PPWD1: variants seen among roughly 807,000 people sequenced by gnomAD.
The protein encoded by PPWD1 is peptidylprolyl isomerase domain and WD repeat-containing protein 1.
In PPWD1, 43 loss-of-function variants were observed where a neutral mutation model predicts 68.8. That is an observed-to-expected ratio of 0.62 (90% confidence interval 0.49 to 0.81). The LOEUF is 0.81. Among genes scored for constraint, PPWD1 ranks in the 30% least tolerant of loss-of-function variants. The probability of loss-of-function intolerance (pLI) is 0.00; values close to 1 mark genes in which losing one functional copy is unlikely to be tolerated. For synonymous variants in PPWD1, 232 were observed against 258.7 expected, an observed-to-expected ratio of 0.90 and a Z score of 0.99; for missense variants, 672 against 804.8, an observed-to-expected ratio of 0.83 and a Z score of 2.00.
chr5:65,585,108 A>T lies in PPWD1; in HGVS notation c.1614+13A>T. The T allele has an allele frequency of 6.3e-7, 1 of 1,590,276 alleles. No individual in the cohort carries two copies. Among genetic ancestry groups the T allele is most frequent in the Non-Finnish European group, 8.6e-7 (1 of 1,159,904 alleles). On this transcript the variant is annotated intron_variant, in intron 9 of 10. Transcript: ENST00000261308. ...CCGTATAATTAAGGTAAGTTACATA[A>T]ATTTCATGTCATATAAGAAATACTG...
chr5:65,571,824 T>A lies in PPWD1; in HGVS notation c.522-15T>A. ...CTGACCTTTTTTTTTCCCTCTCAAT[T>A]CTTTACGATTTTAGCTATTTTCCTG... On this transcript the variant is annotated splice_polypyrimidine_tract_variant and intron_variant, in intron 4 of 10. Transcript: ENST00000261308. 6.2e-7 allele frequency: 1 copy of A among 1,607,748 alleles called. No homozygotes were observed. Among genetic ancestry groups the A allele is most frequent in the Non-Finnish European group, 8.5e-7 (1 of 1,176,092 alleles).
chr5:65,582,421 C>G (rs184631155), intron 7 of PPWD1: 8 of 152,332 alleles, frequency 5.3e-5, no homozygotes, highest in Admixed American at 3.9e-4. Context: ...ATTTCAGATT[C>G]ATTTTTGTGA....
chr5:65,576,413 G>C (rs1294374755), intron 5 of PPWD1: 2 of 877,440 alleles, frequency 2.3e-6, no homozygotes, highest in Non-Finnish European at 2.7e-6. Context: ...GTCTCACTCT[G>C]TCCCCCAGGC....
At chr5:65,575,267 G>A (rs154949) in intron 5 of PPWD1, among the ~76,000 whole-genome samples, 94,338 of 151,998 alleles carry the variant, frequency 0.62, 29,543 homozygotes, top group South Asian at 0.65. Flanking sequence ...TCTTCTCTCC[G>A]GCAGAAATGA....
At position 65,585,109 on chromosome 5, in the gene PPWD1, AT is replaced by A; in HGVS notation, c.1614+17del. 6.3e-7 allele frequency: 1 copy of A among 1,585,618 alleles called. No individual in the cohort carries two copies. On this transcript the variant is annotated intron_variant, in intron 9 of 10. Coordinates refer to ENST00000261308, the MANE Select transcript of PPWD1 (RefSeq NM_015342.4). ...CGTATAATTAAGGTAAGTTACATAA[AT>A]TTCATGTCATATAAGAAATACTGTA...
At position 65,585,106 on chromosome 5, in the gene PPWD1, T is replaced by C. The variant is rs779007586; in HGVS notation, c.1614+11T>C. On this transcript the variant is annotated intron_variant, in intron 9 of 10. Coordinates refer to ENST00000261308, the MANE Select transcript of PPWD1 (RefSeq NM_015342.4). ...CACCGTATAATTAAGGTAAGTTACA[T>C]AAATTTCATGTCATATAAGAAATAC... 6.3e-7 allele frequency: 1 copy of C among 1,593,962 alleles called. No homozygotes were observed. The highest frequency in any genetic ancestry group is 8.6e-7 in the Non-Finnish European group (1 of 1,163,026).
chr5:65,577,007 T>G lies in PPWD1; in HGVS notation c.1098T>G (p.Thr366=). Residue 366 remains threonine (T), a synonymous_variant, in exon 6 of 11, where the codon ACT becomes ACG. Coordinates refer to ENST00000261308, the MANE Select transcript of PPWD1 (RefSeq NM_015342.4). ...VRLINIVFDE[T]GHFVLYGTML... ...TAATTAATATAGTTTTTGATGAAAC[T>G]GGACACTTCGTGCTGTATGGAACAA... 1.2e-6 allele frequency: 2 copies of G among 1,614,188 alleles called. No homozygotes were observed. Among genetic ancestry groups the G allele is most frequent in the African/African-American group, 2.7e-5 (2 of 75,068 alleles).
In PPWD1 at chr5:65,585,459, C is replaced by T. The variant is rs948433884; in HGVS notation, c.1614+364C>T. On this transcript the variant is annotated intron_variant, in intron 9 of 10. Coordinates refer to ENST00000261308, the MANE Select transcript of PPWD1 (RefSeq NM_015342.4). ...TTTCAATCATAGAGGAGCCACAGTGCCATCTGATCTGTGAGAACCTGTAAT... is the reference window on the plus strand; with the variant it reads ...TTTCAATCATAGAGGAGCCACAGTGTCATCTGATCTGTGAGAACCTGTAAT... Among the ~76,000 whole-genome samples the T allele has an allele frequency of 4.6e-5, 7 of 152,118 alleles. No homozygotes were observed. The South Asian group carries it at 8.3e-4, about 18-fold the overall frequency.
chr5:65,570,639 CTG>C (rs1263623141), intron 4 of PPWD1, among the ~76,000 whole-genome samples: 1 of 151,986 alleles, frequency 6.6e-6, no homozygotes, highest in East Asian at 1.9e-4. Flanking sequence ...TCTCACAGTT[CTG>C]GAGGCTGGAA....
chr5:65,581,343 T>G (rs1753586931), intron 7 of PPWD1, among the ~76,000 whole-genome samples: 1 of 152,158 alleles, frequency 6.6e-6, no homozygotes, highest in African/African-American at 2.4e-5. Context: ...AACAGCACTT[T>G]GCGGGGGCCC....
chr5:65,573,058 A>G (rs1368276590), intron 5 of PPWD1, among the ~76,000 whole-genome samples: 1 of 152,142 alleles, frequency 6.6e-6, no homozygotes, highest in African/African-American at 2.4e-5. Flanking sequence ...TTGTGATACC[A>G]TAAGTCACCT....
chr5:65,585,848 T>C (rs1753818684), intron 9 of PPWD1, 151 bp from the exon 10 acceptor site: 1 of 1,250,654 alleles, frequency 8.0e-7, no homozygotes, highest in Non-Finnish European at 1.0e-6. Flanking sequence ...AAATACATCA[T>C]CCAAATTTAA....
At chr5:65,572,375 A>C in intron 5 of PPWD1, 89 bp downstream of exon 5, 3 of 1,285,544 alleles carry the variant, frequency 2.3e-6, no homozygotes, top group Non-Finnish European at 3.2e-6. Flanking sequence ...TTCTACAGAT[A>C]GACATTTAGA....
chr5:65,581,090 G>A (rs1029007093), intron 7 of PPWD1, among the ~76,000 whole-genome samples: 1 of 151,976 alleles, frequency 6.6e-6, no homozygotes, highest in Non-Finnish European at 1.5e-5. Flanking sequence ...TGCTATTAAG[G>A]TTAACAGCAT....
At chr5:65,576,770 A>G in intron 5 of PPWD1, 109 bp from the exon 6 acceptor site, 3 of 1,435,636 alleles carry the variant, frequency 2.1e-6, no homozygotes, top group Non-Finnish European at 9.3e-7. Context: ...GGCTCTTAAT[A>G]TGTATTCTGC....
At chr5:65,584,345 T>C (rs1335580613) in intron 8 of PPWD1, among the ~76,000 whole-genome samples, 1 of 152,166 alleles carries the variant, frequency 6.6e-6, no homozygotes, top group Non-Finnish European at 1.5e-5. Flanking sequence ...TATGAAATAA[T>C]TGCATAATTT....
At chr5:65,565,126 T>G (rs938341903) in intron 1 of PPWD1, among the ~76,000 whole-genome samples, 3 of 152,262 alleles carry the variant, frequency 2.0e-5, no homozygotes, top group Non-Finnish European at 2.9e-5. Context: ...CCATTTTATT[T>G]ATGGCACTTG....
intron 1 of PPWD1, among the ~76,000 whole-genome samples, chr5:65,564,424 G>A (rs905572150): frequency 5.9e-5 from 9 of 151,604 alleles, no homozygotes; most frequent in Admixed American, 1.3e-4. Flanking sequence ...CGTCTCCGGG[G>A]TTCAAGCGAT....
At chr5:65,581,018 G>A (rs1753572321) in intron 7 of PPWD1, among the ~76,000 whole-genome samples, 2 of 152,100 alleles carry the variant, frequency 1.3e-5, no homozygotes, top group African/African-American at 4.8e-5. Context: ...AGAAAGTTAG[G>A]AAATGACTAC....
Sources: gnomAD v4.1 joint callset for allele counts (sites outside exome capture counted in the v4.1 genomes callset) on GRCh38, gnomAD v4.1.1 for gene constraint, MANE v1.5 for transcripts, NCBI Gene and HGNC (gene_info 2026-07-23, HGNC 2026-07-21) for gene names.